The following TMPRSS4 variants were observed in gnomAD, a reference collection of about 807,000 sequenced individuals.
TMPRSS4 encodes the protein transmembrane protease serine 4.
Under a neutral mutation model 56.4 loss-of-function variants are expected in TMPRSS4, and 45 were observed. The ratio of observed to expected loss-of-function variants is 0.80; its 90% CI spans 0.63 to 1.02. The LOEUF (loss-of-function observed/expected upper bound fraction) is 1.02. Ranked by LOEUF, TMPRSS4 falls within the 50% of genes least tolerant of loss-of-function variation. TMPRSS4 has a pLI of 0.00. For synonymous variants in TMPRSS4, 205 were observed against 211.0 expected, an observed-to-expected ratio of 0.97 and a Z score of 0.25; for missense variants, 546 against 556.7, an observed-to-expected ratio of 0.98 and a Z score of 0.19.
chr11:118,087,362 T>G (rs1945635253), intron 1 of TMPRSS4, among the ~76,000 whole-genome samples: 1 of 152,232 alleles, frequency 6.6e-6, no homozygotes, highest in Non-Finnish European at 1.5e-5. Flanking sequence ...GGCCGAGCTT[T>G]CTGTTCCTTT....
intron 1 of TMPRSS4, 72 bp downstream of exon 1, chr11:118,077,377 C>G: frequency 6.7e-7 from 1 of 1,494,838 alleles, no homozygotes; most frequent in Non-Finnish European, 9.0e-7. Context: ...TTCAAGCAGC[C>G]TGAGCATCCA....
At chr11:118,079,371 C>G (rs1944953182) in intron 1 of TMPRSS4, among the ~76,000 whole-genome samples, 1 of 152,078 alleles carries the variant, frequency 6.6e-6, no homozygotes, top group African/African-American at 2.4e-5. Context: ...GTCCTTTGAG[C>G]TGCTGCGTCT....
At chr11:118,101,247 A>C (rs532932551) in intron 3 of TMPRSS4, among the ~76,000 whole-genome samples, 3 of 152,198 alleles carry the variant, frequency 2.0e-5, no homozygotes, top group African/African-American at 7.2e-5. Flanking sequence ...CTTCCCTCCC[A>C]AGACTGTTGT....
At chr11:118,108,730 C>A in intron 6 of TMPRSS4, 126 bp from the exon 7 acceptor site, 1 of 857,270 alleles carries the variant, frequency 1.2e-6, no homozygotes, top group Non-Finnish European at 1.9e-6. Context: ...ATGTTCCCCA[C>A]TGTGCAGCTT....
In TMPRSS4 at chr11:118,118,170, G is replaced by C. The variant is rs1947663730; in HGVS notation, c.*257G>C. The C allele has an allele frequency of 7.1e-7, 1 of 1,408,478 alleles. No homozygotes were observed. Among genetic ancestry groups the C allele is most frequent in the Non-Finnish European group, 9.2e-7 (1 of 1,084,952 alleles). 87.2% of individuals were successfully genotyped at this position (1,408,478 alleles called of 1,614,324 possible). On this transcript the variant is annotated 3_prime_UTR_variant, in exon 13 of 13. Transcript: ENST00000437212. ...ATCCCAGGGAGAGACACAGCCCACT[G>C]AACAAGGTCTCAGGGGTATTGCTAA... is the stretch of plus-strand genomic sequence containing the variant.
intron 3 of TMPRSS4, 72 bp downstream of exon 3, chr11:118,099,170 A>G: frequency 8.9e-7 from 1 of 1,125,936 alleles, no homozygotes; most frequent in Non-Finnish European, 1.2e-6. Context: ...CCCCGCACTC[A>G]CCCCTGAATA....
chr11:118,108,941 T>A (rs750658771), intron 7 of TMPRSS4, 45 bp downstream of exon 7: 4 of 1,602,400 alleles, frequency 2.5e-6, no homozygotes, highest in East Asian at 2.2e-5. Flanking sequence ...GGGCCAGCAA[T>A]GAGCAGGGAG....
chr11:118,114,497 T>C (rs1947440712), intron 9 of TMPRSS4, among the ~76,000 whole-genome samples: 1 of 152,188 alleles, frequency 6.6e-6, no homozygotes, highest in South Asian at 2.1e-4. Flanking sequence ...TTGAGCATGC[T>C]CAGGATTGGA....
chr11:118,116,276 C>CT (rs1382050551), intron 11 of TMPRSS4, among the ~76,000 whole-genome samples: 4 of 152,088 alleles, frequency 2.6e-5, no homozygotes, highest in Non-Finnish European at 4.4e-5. Flanking sequence ...ATTAAAACCC[C>CT]TACCCTACTC....
In TMPRSS4 at chr11:118,118,279, G is replaced by C; in HGVS notation, c.*366G>C. On this transcript the variant is annotated 3_prime_UTR_variant, in exon 13 of 13. Transcript: ENST00000437212. Reference sequence around the variant, plus strand: ...GATCACTGTGGGCTGGAGAGGAGAAGGAAAGGGTCTGCGCCAGCCCTGTCC... The same window carrying C: ...GATCACTGTGGGCTGGAGAGGAGAACGAAAGGGTCTGCGCCAGCCCTGTCC... 8.6e-7 allele frequency: 1 copy of C among 1,166,550 alleles called. No individual in the cohort carries two copies. The highest frequency in any genetic ancestry group is 3.0e-5 in the South Asian group (1 of 33,756). 72.3% of individuals were successfully genotyped at this position (1,166,550 alleles called of 1,614,324 possible).
chr11:118,095,440 G>C, intron 2 of TMPRSS4: 1 of 153,540 alleles, frequency 6.5e-6, no homozygotes, highest in Non-Finnish European at 1.5e-5. Context: ...AGATCAGTAA[G>C]AAAATGGCCA....
intron 1 of TMPRSS4, among the ~76,000 whole-genome samples, chr11:118,085,725 A>G (rs1415549197): frequency 6.6e-6 from 1 of 152,200 alleles, no homozygotes; most frequent in Non-Finnish European, 1.5e-5. Context: ...TGCCAGGCTG[A>G]AAGGCTGAAC....
At position 118,103,219 on chromosome 11, in the gene TMPRSS4, T is replaced by C. The variant is rs1388773394; in HGVS notation, c.276T>C (p.Cys92=). The change falls in exon 4 of 13, where the codon TGT becomes TGC. Residue 92 remains cysteine (C), a synonymous_variant. Coordinates refer to ENST00000437212, the MANE Select transcript of TMPRSS4 (RefSeq NM_019894.4). ...DCPLGEDEEH[C]VKSFPEGPAV... Reference sequence around the variant, plus strand: ...CCTTGGGGGAGGACGAGGAGCACTGTGTCAAGAGCTTCCCCGAAGGGCCTG... The same window carrying C: ...CCTTGGGGGAGGACGAGGAGCACTGCGTCAAGAGCTTCCCCGAAGGGCCTG... The C allele has an allele frequency of 4.3e-6, 7 of 1,614,004 alleles. No individual in the cohort carries two copies. The highest frequency in any genetic ancestry group is 5.9e-6 in the Non-Finnish European group (7 of 1,180,020).
intron 1 of TMPRSS4, among the ~76,000 whole-genome samples, chr11:118,089,417 C>G (rs1187128441): frequency 1.3e-5 from 2 of 152,138 alleles, no homozygotes; most frequent in Non-Finnish European, 2.9e-5. Flanking sequence ...TTTCCTTGAG[C>G]CTTGGGTGCA....
At chr11:118,105,285 A>G (rs972927676) in intron 5 of TMPRSS4, among the ~76,000 whole-genome samples, 1 of 152,210 alleles carries the variant, frequency 6.6e-6, no homozygotes, top group Non-Finnish European at 1.5e-5. Flanking sequence ...CAGCAATCCC[A>G]GCTCTCTCTG....
chr11:118,099,310 C>T, intron 3 of TMPRSS4: 1 of 465,730 alleles, frequency 2.1e-6, no homozygotes, highest in Non-Finnish European at 3.9e-6. Context: ...CCCTACTTGT[C>T]CTTCACCCCC....
intron 1 of TMPRSS4, among the ~76,000 whole-genome samples, chr11:118,094,205 G>A (rs1169564139): frequency 6.6e-6 from 1 of 152,164 alleles, no homozygotes; most frequent in Admixed American, 6.5e-5. Context: ...TTTAGCATTA[G>A]TGGATTCAGC....
Position 118,104,701 on chromosome 11 carries a change from C to T in TMPRSS4, c.321C>T (p.Ser107=), listed in dbSNP as rs1946901112. 1.2e-6 allele frequency: 2 copies of T among 1,613,468 alleles called. No individual in the cohort carries two copies. The highest frequency in any genetic ancestry group is 1.7e-5 in the Admixed American group (1 of 59,948). The change falls in exon 5 of 13, where the codon TCC becomes TCT. Residue 107 remains serine (S), a synonymous_variant. Coordinates refer to ENST00000437212, the MANE Select transcript of TMPRSS4 (RefSeq NM_019894.4). The part of the protein sequence containing the change: ...PEGPAVAVRL[S]KDRSTLQVLD... ...TTCCTTTCCTCCCAGTCCGCCTCTC[C>T]AAGGACCGATCCACACTGCAGGTGC...
chr11:118,118,023 C>T lies in TMPRSS4; in HGVS notation c.*110C>T, dbSNP rs946607451. 3 of 1,589,768 alleles carry T rather than the reference C, an allele frequency of 1.9e-6. No individual in the cohort carries two copies. Among genetic ancestry groups the T allele is most frequent in the Non-Finnish European group, 2.6e-6 (3 of 1,171,814 alleles). ...GAGTCCCCTTGGGTACACCCCTCTG[C>T]CCACAGCCTCAGCATTTCTTGGAGC... On this transcript the variant is annotated 3_prime_UTR_variant, in exon 13 of 13. Coordinates refer to ENST00000437212, the MANE Select transcript of TMPRSS4 (RefSeq NM_019894.4).
Sources: gnomAD v4.1 joint callset for allele counts (sites outside exome capture counted in the v4.1 genomes callset) on GRCh38, gnomAD v4.1.1 for gene constraint, MANE v1.5 for transcripts, NCBI Gene and HGNC (gene_info 2026-07-23, HGNC 2026-07-21) for gene names.